The following ATP11C variants were observed in gnomAD, a reference collection of about 807,000 sequenced individuals.
The protein encoded by ATP11C is phospholipid-transporting ATPase IG.
A neutral mutation model predicts 97.4 loss-of-function variants in ATP11C; 36 were observed. The observed-to-expected ratio is 0.37, with a 90% CI of 0.28 to 0.49. ATP11C has a LOEUF of 0.49. Among genes scored for constraint, ATP11C ranks in the 20% least tolerant of loss-of-function variants. The pLI, the probability that ATP11C is intolerant of heterozygous loss-of-function variation, is 0.98. For missense variants in ATP11C, 730 were observed against 824.6 expected, an observed-to-expected ratio of 0.89 and a Z score of 1.40; for synonymous variants, 275 against 290.9, an observed-to-expected ratio of 0.95 and a Z score of 0.56.
intron 2 of ATP11C, 89 bp downstream of exon 2, chrX:139,826,615 T>A: frequency 1.2e-6 from 1 of 801,028 alleles, no homozygotes; most frequent in Non-Finnish European, 1.8e-6. Flanking sequence ...TACACATACA[T>A]AAATGCATCA....
At position 139,836,026 on chromosome X, in the gene ATP11C, C is replaced by CAAAA. The variant is rs755398033; in HGVS notation, c.28-9207_28-9204dup. Among the ~76,000 whole-genome samples the CAAAA allele has an allele frequency of 1.7e-4, 5 of 28,682 alleles. 1 individual carries two copies. The highest frequency in any genetic ancestry group is 8.6e-4 in the Admixed American group (1 of 1,160). 24.9% of individuals were successfully genotyped at this position (28,682 alleles called of 115,157 possible). On this transcript the variant is annotated intron_variant, in intron 1 of 29. Coordinates refer to ENST00000682941, the MANE Select transcript of ATP11C (RefSeq NM_001353812.2). ...TGGGTGACAGAGCGAGACTCCATCTCAAAAAAAAAAAAAAAAAAAAAAAAA... is the reference window on the plus strand; with the variant it reads ...TGGGTGACAGAGCGAGACTCCATCTCAAAAAAAAAAAAAAAAAAAAAAAAAAAAA...
At chrX:139,832,694 C>T (rs1050247100) in intron 1 of ATP11C, among the ~76,000 whole-genome samples, 3 of 112,106 alleles carry the variant, frequency 2.7e-5, no homozygotes, top group Non-Finnish European at 5.6e-5. Context: ...TAAGTATTCA[C>T]TATGATACAG....
chrX:139,779,223 T>C (rs2082406209), intron 18 of ATP11C, among the ~76,000 whole-genome samples: 1 of 111,907 alleles, frequency 8.9e-6, no homozygotes, highest in Middle Eastern at 4.6e-3. Flanking sequence ...AATTGGACTC[T>C]TGACCAAATG....
At position 139,757,870 on chromosome X, in the gene ATP11C, G is replaced by GA. The variant is rs752741769; in HGVS notation, c.2641-4dup. ...TGTGGCAAAATGAAACAAAGGTTCT[G>GA]AAAAAAAAAAATTAAGACAAGGATT... is the stretch of plus-strand genomic sequence containing the variant. On this transcript the variant is annotated splice_region_variant and splice_polypyrimidine_tract_variant and intron_variant, in intron 22 of 29. Transcript: ENST00000682941. 13,645 of 884,670 alleles carry GA rather than the reference G, an allele frequency of 0.015. No individual in the cohort carries two copies. Among genetic ancestry groups the GA allele is most frequent in the Non-Finnish European group, 0.017 (11,088 of 660,576 alleles). 72.9% of individuals were successfully genotyped at this position (884,670 alleles called of 1,213,427 possible). A position where few individuals can be genotyped will look rare whatever the true frequency, so the allele number is the denominator to read the frequency against.
intron 1 of ATP11C, among the ~76,000 whole-genome samples, chrX:139,883,379 C>T (rs2084591058): frequency 9.1e-6 from 1 of 110,404 alleles, no homozygotes; most frequent in Non-Finnish European, 1.9e-5. Context: ...GAAACTATTC[C>T]CAAACTTTGC....
rs779790281 is a variant in ATP11C, at chrX:139,856,956, A to G, written c.28-30133T>C. On this transcript the variant is annotated intron_variant, in intron 1 of 29. Transcript: ENST00000682941. ...CTTCATCCCAAACACCACCACCCCT[A>G]ATGGAAGTATAACAAAGGCATTGCA... 4.5e-5 allele frequency among the ~76,000 whole-genome samples: 5 copies of G among 112,047 alleles called. No individual in the cohort carries two copies. In the South Asian group the frequency reaches 1.9e-3, roughly 42 times the overall value.
At chrX:139,780,343 T>G (rs2082426158) in intron 18 of ATP11C, among the ~76,000 whole-genome samples, 1 of 111,398 alleles carries the variant, frequency 9.0e-6, no homozygotes, top group African/African-American at 3.3e-5. Flanking sequence ...ATCAGAAAGA[T>G]AACTCATCAT....
At chrX:139,923,853 T>C (rs1052423738) in intron 1 of ATP11C, among the ~76,000 whole-genome samples, 12 of 111,726 alleles carry the variant, frequency 1.1e-4, no homozygotes, top group African/African-American at 3.3e-4. Context: ...AAACTCCAAA[T>C]AACCAGAGAT....
chrX:139,887,251 T>G (rs887967723), intron 1 of ATP11C, among the ~76,000 whole-genome samples: 2 of 111,898 alleles, frequency 1.8e-5, no homozygotes, highest in African/African-American at 6.5e-5. Context: ...GCTATAAAAT[T>G]TCTAGAAAAA....
chrX:139,756,417 T>C (rs1370150687), intron 23 of ATP11C, among the ~76,000 whole-genome samples: 1 of 112,118 alleles, frequency 8.9e-6, no homozygotes, highest in African/African-American at 3.2e-5. Context: ...AGCAGTGTGA[T>C]GATTCCTCAA....
At chrX:139,790,976 C>G (rs920443162) in intron 12 of ATP11C, among the ~76,000 whole-genome samples, 2 of 110,820 alleles carry the variant, frequency 1.8e-5, no homozygotes, top group African/African-American at 6.6e-5. Context: ...ACAATTTTAT[C>G]CTCGTTTTGG....
chrX:139,896,589 ACACAC>A (rs1287845121), intron 1 of ATP11C, among the ~76,000 whole-genome samples: 3 of 97,624 alleles, frequency 3.1e-5, no homozygotes, highest in African/African-American at 1.3e-4. Context: ...ACACACACAC[ACACAC>A]TTTTTTTCCC....
At chrX:139,865,499 C>T (rs1334341476) in intron 1 of ATP11C, among the ~76,000 whole-genome samples, 2 of 112,000 alleles carry the variant, frequency 1.8e-5, no homozygotes, top group Middle Eastern at 4.6e-3. Context: ...TGGTGGCTCA[C>T]GCCTGTAATT....
intron 18 of ATP11C, among the ~76,000 whole-genome samples, chrX:139,778,235 T>TA (rs1479842005): frequency 9.0e-6 from 1 of 111,067 alleles, no homozygotes; most frequent in Non-Finnish European, 1.9e-5. Context: ...TAAGGAAAAA[T>TA]AAAGTTTTTC....
At chrX:139,921,238 T>C (rs766117079) in intron 1 of ATP11C, among the ~76,000 whole-genome samples, 1 of 111,395 alleles carries the variant, frequency 9.0e-6, no homozygotes. Context: ...CATCTTGAAT[T>C]ATAATCCCCA....
intron 5 of ATP11C, among the ~76,000 whole-genome samples, chrX:139,811,364 C>T (rs761679748): frequency 9.0e-6 from 1 of 111,281 alleles, no homozygotes; most frequent in African/African-American, 3.3e-5. Context: ...ACAACTCCAA[C>T]TGTATGTCTA....
chrX:139,912,174 CAA>C (rs1162620391), intron 1 of ATP11C, among the ~76,000 whole-genome samples: 529 of 24,440 alleles, frequency 0.022, 6 homozygotes, highest in African/African-American at 0.062. Context: ...GACTCTGTCT[CAA>C]AAAAAAAAAA....
In ATP11C at chrX:139,859,606, C is replaced by T. The variant is rs188284148; in HGVS notation, c.28-32783G>A. On this transcript the variant is annotated intron_variant, in intron 1 of 29. Transcript: ENST00000682941. ...AAATATTGCAACCTTAATGTGTTAC[C>T]AGAAGGCAGACATATTCAACCCTCA... Among the ~76,000 whole-genome samples, 272 of 111,844 alleles carry T rather than the reference C, an allele frequency of 2.4e-3. 1 individual carries two copies. Among genetic ancestry groups the T allele is most frequent in the African/African-American group, 8.4e-3 (259 of 30,806 alleles).
chrX:139,913,574 G>A (rs935752897), intron 1 of ATP11C, among the ~76,000 whole-genome samples: 4 of 111,375 alleles, frequency 3.6e-5, no homozygotes, highest in African/African-American at 6.5e-5. Flanking sequence ...CTTAACTGAT[G>A]ACATTACCTT....
Sources: allele counts gnomAD v4.1 joint callset (sites outside exome capture counted in the v4.1 genomes callset), GRCh38; gene constraint gnomAD v4.1.1; transcripts MANE v1.5; gene names NCBI Gene and HGNC (gene_info 2026-07-23, HGNC 2026-07-21).